The following FHIT variants were observed in gnomAD, a reference collection of about 807,000 sequenced individuals.
The protein encoded by FHIT is fragile histidine triad diadenosine triphosphatase, also known as bis(5'-adenosyl)-triphosphatase.
FHIT carries 19 observed loss-of-function variants against 17.9 expected under a neutral mutation model. That is an observed-to-expected ratio of 1.06 (90% confidence interval 0.74 to 1.56). The LOEUF (loss-of-function observed/expected upper bound fraction) is 1.56, where lower values mean the gene tolerates loss of function less well. FHIT is among the 40% of genes most tolerant of loss of function. The pLI is 0.00. For synonymous variants in FHIT, 81 were observed against 69.7 expected (o/e 1.16, Z -0.81); for missense variants, 248 against 189.2 (o/e 1.31, Z -1.82).
chr3:60,423,727 G>GC (rs1702559944), intron 5 of FHIT, among the ~76,000 whole-genome samples: 2 of 152,144 alleles, frequency 1.3e-5, no homozygotes, highest in African/African-American at 4.8e-5. Context: ...CAGTCCTGGT[G>GC]CAGCTAAGTA....
intron 5 of FHIT, among the ~76,000 whole-genome samples, chr3:60,507,752 C>T (rs1559500470): frequency 6.6e-6 from 1 of 152,160 alleles, no homozygotes. Flanking sequence ...TTAACTCCCA[C>T]TTATAAGTGA....
chr3:60,182,012 T>A (rs547993532), intron 5 of FHIT, among the ~76,000 whole-genome samples: 1 of 152,180 alleles, frequency 6.6e-6, no homozygotes, highest in Admixed American at 6.5e-5. Context: ...CTTTTAATTA[T>A]ATGCTAAGTA....
intron 2 of FHIT, among the ~76,000 whole-genome samples, chr3:61,091,532 T>A (rs1427169037): frequency 6.6e-6 from 1 of 152,144 alleles, no homozygotes; most frequent in African/African-American, 2.4e-5. Context: ...ACGTATTAGT[T>A]AAGGTTCTTT....
At chr3:60,900,863 C>A (rs1268273799) in intron 3 of FHIT, among the ~76,000 whole-genome samples, 1 of 152,132 alleles carries the variant, frequency 6.6e-6, no homozygotes, top group Non-Finnish European at 1.5e-5. Context: ...CCACAACCTC[C>A]ACCTCCTGGG....
chr3:60,626,419 ATATT>A (rs1157540180), intron 4 of FHIT, among the ~76,000 whole-genome samples: 1 of 152,122 alleles, frequency 6.6e-6, no homozygotes, highest in Non-Finnish European at 1.5e-5. Context: ...TTCAGAGTTT[ATATT>A]TTTTGTTGCT....
At chr3:59,751,565 C>T (rs1700903388) in intron 9 of FHIT, 5 of 217,576 alleles carry the variant, frequency 2.3e-5, no homozygotes, top group Admixed American at 5.9e-5. Flanking sequence ...AGCATTTTGA[C>T]AAGGAAATTG....
chr3:60,539,421 G>C (rs978355716), intron 4 of FHIT, among the ~76,000 whole-genome samples: 40 of 152,270 alleles, frequency 2.6e-4, no homozygotes, highest in Admixed American at 2.4e-3. Flanking sequence ...AATACCATTT[G>C]ACCCAGCCAT....
At chr3:60,492,233 A>G (rs930943333) in intron 5 of FHIT, among the ~76,000 whole-genome samples, 2 of 152,232 alleles carry the variant, frequency 1.3e-5, no homozygotes, top group Non-Finnish European at 2.9e-5. Flanking sequence ...AGGCAACATA[A>G]CTGCAAGACA....
Position 61,127,833 on chromosome 3 carries a change from G to A in FHIT, c.-164+72784C>T, listed in dbSNP as rs536228956. Among the ~76,000 whole-genome samples the A allele has an allele frequency of 2.0e-5, 3 of 152,084 alleles. No homozygotes were observed. The South Asian group carries it at 6.2e-4, about 32-fold the overall frequency. On this transcript the variant is annotated intron_variant, in intron 2 of 9. Transcript: ENST00000492590. ...TGCAGTGAGTCGAGATCATGCCACT[G>A]CACTCCAGTCTGGGCAACAGAGCAA...
chr3:60,414,173 G>A (rs1702163552), intron 5 of FHIT, among the ~76,000 whole-genome samples: 1 of 152,142 alleles, frequency 6.6e-6, no homozygotes, highest in Non-Finnish European at 1.5e-5. Flanking sequence ...ACATATATTG[G>A]AATCACATGG....
chr3:59,784,586 G>T (rs924686769), intron 8 of FHIT, among the ~76,000 whole-genome samples: 8 of 152,218 alleles, frequency 5.3e-5, no homozygotes, highest in South Asian at 2.1e-4. Flanking sequence ...AGGCACAGAA[G>T]GTGGCTTTAC....
At chr3:60,701,286 C>T (rs2041240875) in intron 4 of FHIT, among the ~76,000 whole-genome samples, 2 of 151,968 alleles carry the variant, frequency 1.3e-5, no homozygotes, top group South Asian at 4.2e-4. Context: ...ACTGTAATTG[C>T]CCAGTGGGTT....
intron 5 of FHIT, among the ~76,000 whole-genome samples, chr3:60,140,953 C>A (rs541686468): frequency 1.3e-5 from 2 of 152,214 alleles, no homozygotes; most frequent in Non-Finnish European, 2.9e-5. Flanking sequence ...CAGTAAATTT[C>A]TTTTTCTTTT....
chr3:60,441,833 C>A (rs530243511), intron 5 of FHIT, among the ~76,000 whole-genome samples: 1 of 122,048 alleles, frequency 8.2e-6, no homozygotes, highest in Non-Finnish European at 1.7e-5. Context: ...TTTTTCCTCC[C>A]GCTCATTCTT....
At chr3:60,551,856 A>G (rs1338944391) in intron 4 of FHIT, among the ~76,000 whole-genome samples, 1 of 151,830 alleles carries the variant, frequency 6.6e-6, no homozygotes, top group East Asian at 2.0e-4. Context: ...TTCATATACC[A>G]TAAAATTCAC....
intron 5 of FHIT, among the ~76,000 whole-genome samples, chr3:60,080,451 G>A (rs183827895): frequency 3.9e-4 from 59 of 152,158 alleles, no homozygotes; most frequent in African/African-American, 1.3e-3. Context: ...TTAGAGCCTC[G>A]TAGCCCTACT....
In FHIT at chr3:59,922,360, T is replaced by A; in HGVS notation, c.334A>T (p.Ser112Cys). Residue 112 changes from serine (S) to cysteine (C), a missense_variant, in exon 8 of 10, where the codon AGC (serine) becomes TGC (cysteine). Physicochemically the swap from Ser to Cys is moderately radical, Grantham distance 112. Transcript: ENST00000492590. ...RKAGDFHRND[S>C]IYEELQKHDK... ...AACAGACCCACCTCCTCATAGATGC[T>A]GTCATTCCTGTGAAAGTCTCCAGCC... The A allele has an allele frequency of 6.2e-7, 1 of 1,613,818 alleles. No homozygotes were observed. The highest frequency in any genetic ancestry group is 8.5e-7 in the Non-Finnish European group (1 of 1,179,756).
At chr3:60,743,311 T>C (rs960011969) in intron 4 of FHIT, among the ~76,000 whole-genome samples, 10 of 152,168 alleles carry the variant, frequency 6.6e-5, no homozygotes, top group African/African-American at 2.4e-4. Flanking sequence ...TTGTACTTTA[T>C]TGTCATTAAT....
chr3:60,191,611 T>C (rs1033750933), intron 5 of FHIT, among the ~76,000 whole-genome samples: 1 of 152,182 alleles, frequency 6.6e-6, no homozygotes, highest in Non-Finnish European at 1.5e-5. Context: ...TATTTTTTTA[T>C]ATGACATTGC....
Sources: gnomAD v4.1 joint callset for allele counts (sites outside exome capture counted in the v4.1 genomes callset) on GRCh38, gnomAD v4.1.1 for gene constraint, MANE v1.5 for transcripts, NCBI Gene and HGNC (gene_info 2026-07-23, HGNC 2026-07-21) for gene names.